The following MEF2A variants were observed in gnomAD, a reference collection of about 807,000 sequenced individuals.
MEF2A encodes the protein myocyte-specific enhancer factor 2A.
In MEF2A, 28 loss-of-function variants were observed where a neutral mutation model predicts 55.8. The observed-to-expected ratio is 0.50, with a 90% confidence interval of 0.37 to 0.69. The LOEUF (loss-of-function observed/expected upper bound fraction) is 0.69, where lower values mean the gene tolerates loss of function less well. Ranked by LOEUF, MEF2A falls within the 30% of genes least tolerant of loss-of-function variation. MEF2A has a pLI of 0.00. For missense variants in MEF2A, 528 were observed against 626.2 expected (o/e 0.84, Z 1.67); for synonymous variants, 239 against 227.1 (o/e 1.05, Z -0.47).
intron 2 of MEF2A, among the ~76,000 whole-genome samples, chr15:99,617,300 G>C (rs539419866): frequency 6.6e-6 from 1 of 151,574 alleles, no homozygotes; most frequent in Non-Finnish European, 1.5e-5. Flanking sequence ...TATTTGTAAG[G>C]TATCTTTGCT....
chr15:99,712,519 G>A lies in MEF2A; in HGVS notation c.1266G>A (p.Gln422=). The A allele has an allele frequency of 6.6e-7, 1 of 1,521,550 alleles. No individual in the cohort carries two copies. The allele number at this position is 1,521,550 out of a possible 1,614,324, so 94.3% of individuals were successfully genotyped here. ...CATCGGGCTTCCAGCAGCAGCAGCAGCAGCAGCAGCAGCAGCAGCCGCCGC... is the reference window on the plus strand; with the variant it reads ...CATCGGGCTTCCAGCAGCAGCAGCAACAGCAGCAGCAGCAGCAGCCGCCGC... ...MTPSGFQQQQ[Q]QQQQQQPPPP... is the part of the protein sequence containing the mutation. Residue 422 remains glutamine (Q), a synonymous_variant, in exon 12 of 12, where the codon CAG becomes CAA. Transcript: ENST00000557942. This position sits in a 1 kb window ranked among gnomAD's most constrained non-coding sequence, Gnocchi z 4.1.
At chr15:99,658,017 A>G (rs938663843) in intron 4 of MEF2A, among the ~76,000 whole-genome samples, 2 of 152,134 alleles carry the variant, frequency 1.3e-5, no homozygotes, top group Admixed American at 6.6e-5. Flanking sequence ...ATCTCTTTCA[A>G]ATAACCTTTC....
chr15:99,697,316 T>C (rs2056630411), intron 8 of MEF2A, among the ~76,000 whole-genome samples: 1 of 152,070 alleles, frequency 6.6e-6, no homozygotes, highest in African/African-American at 2.4e-5. Context: ...TCATAGGAGA[T>C]AGATTCTTTC....
chr15:99,693,516 A>G (rs1485493444), intron 8 of MEF2A, among the ~76,000 whole-genome samples: 2 of 152,204 alleles, frequency 1.3e-5, no homozygotes, highest in Non-Finnish European at 2.9e-5. Flanking sequence ...GAGATACATT[A>G]CAGAAAAACA....
chr15:99,616,687 A>G (rs1192841067), intron 2 of MEF2A, among the ~76,000 whole-genome samples: 2 of 152,090 alleles, frequency 1.3e-5, no homozygotes, highest in Non-Finnish European at 2.9e-5. Context: ...AAATATATAT[A>G]TATATACACC....
chr15:99,569,957 T>A (rs570924678), intron 1 of MEF2A, among the ~76,000 whole-genome samples: 1 of 151,982 alleles, frequency 6.6e-6, no homozygotes, highest in East Asian at 1.9e-4. Flanking sequence ...ATCTTACACA[T>A]AGCACACGAT....
rs1555463919 is a variant in MEF2A, at chr15:99,628,980, T to TTC, written c.-142-3998_-142-3997insTC. On this transcript the variant is annotated intron_variant, in intron 2 of 11. Coordinates refer to ENST00000557942, the MANE Select transcript of MEF2A (RefSeq NM_001319206.4). ...TCAGAAGGATTTTTTTTTTTTTTTT[T>TTC]GTCAGATACAAAATTTTGGTTTGGC... Among the ~76,000 whole-genome samples the TTC allele has an allele frequency of 2.1e-5, 3 of 143,936 alleles. No homozygotes were observed. The East Asian group carries it at 6.2e-4, about 30-fold the overall frequency. 94.4% of individuals were successfully genotyped at this position (143,936 alleles called of 152,430 possible).
chr15:99,673,259 C>T (rs1275498231), intron 5 of MEF2A, among the ~76,000 whole-genome samples: 4 of 152,024 alleles, frequency 2.6e-5, no homozygotes, highest in African/African-American at 9.7e-5. Flanking sequence ...TACTTTTGGG[C>T]AAATACCATT....
At chr15:99,582,906 A>G (rs1274949872) in intron 1 of MEF2A, among the ~76,000 whole-genome samples, 1 of 152,104 alleles carries the variant, frequency 6.6e-6, no homozygotes, top group African/African-American at 2.4e-5. Context: ...TTACTAGGTA[A>G]TGTGCAATTC....
At chr15:99,639,251 T>C (rs941453273) in intron 3 of MEF2A, among the ~76,000 whole-genome samples, 2 of 152,172 alleles carry the variant, frequency 1.3e-5, no homozygotes, top group Non-Finnish European at 2.9e-5. Flanking sequence ...TTTCCTGGTC[T>C]CTTCCTACTT....
chr15:99,647,534 G>A lies in MEF2A; in HGVS notation c.258+1770G>A, dbSNP rs115651833. 2.2e-3 allele frequency among the ~76,000 whole-genome samples: 329 copies of A among 152,234 alleles called. 4 individuals carry two copies. Among genetic ancestry groups the A allele is most frequent in the African/African-American group, 7.5e-3 (313 of 41,532 alleles). On this transcript the variant is annotated intron_variant, in intron 4 of 11. Transcript: ENST00000557942. Reference sequence around the variant, plus strand: ...TAAAGCTTACTTCCCTAGAGAATACGGAGAATGTAGTCTGATTTAATCCTC... The same window carrying A: ...TAAAGCTTACTTCCCTAGAGAATACAGAGAATGTAGTCTGATTTAATCCTC...
intron 1 of MEF2A, among the ~76,000 whole-genome samples, chr15:99,573,307 A>G (rs946295524): frequency 2.7e-5 from 4 of 145,972 alleles, no homozygotes; most frequent in African/African-American, 9.8e-5. Context: ...AAAAAAAAAA[A>G]GAAGTTGTCC....
intron 1 of MEF2A, among the ~76,000 whole-genome samples, chr15:99,592,189 G>A (rs1488174025): frequency 6.6e-6 from 1 of 152,094 alleles, no homozygotes; most frequent in East Asian, 1.9e-4. Context: ...GTAGGACTAG[G>A]TTAGCACGCG....
At chr15:99,599,099 G>GTT (rs1355057931) in intron 2 of MEF2A, among the ~76,000 whole-genome samples, 2 of 152,028 alleles carry the variant, frequency 1.3e-5, no homozygotes, top group Non-Finnish European at 2.9e-5. Flanking sequence ...CATTGGCCTA[G>GTT]GTTAACATTC....
chr15:99,712,615 C>T lies in MEF2A; in HGVS notation c.1362C>T (p.Asp454=). 1 of 1,552,002 alleles carries T rather than the reference C, an allele frequency of 6.4e-7. No individual in the cohort carries two copies. Among genetic ancestry groups the T allele is most frequent in the African/African-American group, 1.4e-5 (1 of 73,134 alleles). ...PRQEMGRSPV[D]SLSSSSSSYD... is the part of the protein sequence containing the mutation. ...AGGAAATGGGGCGCTCCCCTGTGGA[C>T]AGTCTGAGCAGCTCTAGTAGCTCCT... Residue 454 remains aspartate (D), a synonymous_variant, in exon 12 of 12, where the codon GAC becomes GAT. Coordinates refer to ENST00000557942, the MANE Select transcript of MEF2A (RefSeq NM_001319206.4). This position sits in a 1 kb window ranked among gnomAD's most constrained non-coding sequence, Gnocchi z 4.1.
chr15:99,617,827 G>A (rs1433039162), intron 2 of MEF2A, among the ~76,000 whole-genome samples: 2 of 152,182 alleles, frequency 1.3e-5, no homozygotes, highest in African/African-American at 4.8e-5. Context: ...AGAAGAAGCA[G>A]TAGTCATAGG....
rs1007445184 is a variant in MEF2A at position 99,712,499 on chromosome 15, G to T, written c.1246G>T (p.Gly416Cys). ...SPPRDRMTPSGFQQQQQQQQQ... is the reference protein window; with the variant it reads ...SPPRDRMTPSCFQQQQQQQQQ... Reference sequence around the variant, plus strand: ...TCCTCGGGATCGTATGACCCCATCGGGCTTCCAGCAGCAGCAGCAGCAGCA... The same window carrying T: ...TCCTCGGGATCGTATGACCCCATCGTGCTTCCAGCAGCAGCAGCAGCAGCA... Residue 416 changes from glycine (G) to cysteine (C), a missense_variant, in exon 12 of 12, where the codon GGC becomes TGC. This residue lies in a region of MEF2A where 450 missense variants were observed against 475.3 expected (regional missense o/e 0.95). Coordinates refer to ENST00000557942, the MANE Select transcript of MEF2A (RefSeq NM_001319206.4). This position sits in a 1 kb window ranked among gnomAD's most constrained non-coding sequence, Gnocchi z 4.1. 2 of 1,542,530 alleles carry T rather than the reference G, an allele frequency of 1.3e-6. No individual in the cohort carries two copies. The highest frequency in any genetic ancestry group is 8.7e-7 in the Non-Finnish European group (1 of 1,143,900).
At chr15:99,642,726 A>G (rs917617808) in intron 3 of MEF2A, among the ~76,000 whole-genome samples, 1 of 152,142 alleles carries the variant, frequency 6.6e-6, no homozygotes, top group Admixed American at 6.5e-5. Flanking sequence ...CACTTATTTC[A>G]TGGGCTTCTG....
intron 8 of MEF2A, among the ~76,000 whole-genome samples, chr15:99,695,636 G>T (rs902302331): frequency 6.6e-6 from 1 of 151,686 alleles, no homozygotes; most frequent in Non-Finnish European, 1.5e-5. Flanking sequence ...GAGACAGGCA[G>T]ATCACCTGAG....
Sources: allele counts gnomAD v4.1 joint callset (sites outside exome capture counted in the v4.1 genomes callset), GRCh38; gene constraint gnomAD v4.1.1; regional missense constraint gnomAD v4.1.1; non-coding constraint Gnocchi (gnomAD v3.1); transcripts MANE v1.5; gene names NCBI Gene and HGNC (gene_info 2026-07-23, HGNC 2026-07-21).